ZNG1A: variants seen among roughly 807,000 people sequenced by gnomAD.
ZNG1A encodes Zn regulated GTPase metalloprotein activator 1A.
the ZNG1A span, among the ~76,000 whole-genome samples, chr9:141,225 A>G: frequency 7.6e-6 from 1 of 131,372 alleles, no homozygotes; most frequent in Non-Finnish European, 1.6e-5. Context: ...GAGCAACTCC[A>G]AGACACATAA....
At chr9:156,825 T>C in the ZNG1A span, among the ~76,000 whole-genome samples, 1 of 152,244 alleles carries the variant, frequency 6.6e-6, no homozygotes, top group East Asian at 1.9e-4. Context: ...ATTCACATAA[T>C]GTCATAAAAA....
chr9:174,812 C>A, the ZNG1A span, among the ~76,000 whole-genome samples: 66,641 of 150,098 alleles, frequency 0.44, 16,562 homozygotes, highest in Non-Finnish European at 0.56. Context: ...AGAAAAACTT[C>A]TATAAAGATA....
At chr9:142,691 T>G in the ZNG1A span, among the ~76,000 whole-genome samples, 1 of 131,392 alleles carries the variant, frequency 7.6e-6, no homozygotes, top group Admixed American at 7.9e-5. Context: ...ATAACTAAAA[T>G]CAGAGCAGAA....
the ZNG1A span, chr9:164,024 A>G: frequency 1.9e-6 from 3 of 1,595,574 alleles, no homozygotes; most frequent in Non-Finnish European, 2.6e-6. Context: ...CCCAAAACAT[A>G]GAAGCCACTG....
chr9:142,147 A>G, the ZNG1A span, among the ~76,000 whole-genome samples: 1 of 149,246 alleles, frequency 6.7e-6, no homozygotes, highest in East Asian at 2.0e-4. Context: ...ACAGAAAACC[A>G]ACAAGCATAC....
the ZNG1A span, among the ~76,000 whole-genome samples, chr9:163,531 A>G: frequency 6.6e-6 from 1 of 152,210 alleles, no homozygotes; most frequent in Non-Finnish European, 1.5e-5. Context: ...TTTCATCATT[A>G]AACTAAAGTG....
At chr9:144,612 T>G in the ZNG1A span, among the ~76,000 whole-genome samples, 2 of 151,852 alleles carry the variant, frequency 1.3e-5, no homozygotes, top group African/African-American at 4.8e-5. Flanking sequence ...AACCTAGGCA[T>G]TACCATTCAG....
chr9:144,442 G>T, the ZNG1A span, among the ~76,000 whole-genome samples: 17 of 151,678 alleles, frequency 1.1e-4, no homozygotes, highest in Admixed American at 2.6e-4. Context: ...ACAAGCAGTG[G>T]GGAAAGGATT....
At chr9:169,311 G>C in the ZNG1A span, among the ~76,000 whole-genome samples, 33 of 147,294 alleles carry the variant, frequency 2.2e-4, no homozygotes, top group African/African-American at 8.4e-4. Context: ...AGGGGAGTCT[G>C]AAGATGTGAC....
the ZNG1A span, chr9:160,096 T>A: frequency 4.4e-6 from 2 of 454,726 alleles, no homozygotes; most frequent in Non-Finnish European, 8.8e-6. Flanking sequence ...GGGTGTCAAG[T>A]CCTCAGAATA....
the ZNG1A span, chr9:147,785 G>A: frequency 6.8e-6 from 1 of 147,424 alleles, no homozygotes; most frequent in Non-Finnish European, 1.5e-5. Flanking sequence ...GCTCCACTTT[G>A]GGAGGCCAAG....
the ZNG1A span, among the ~76,000 whole-genome samples, chr9:164,961 T>C: frequency 2.0e-5 from 3 of 152,246 alleles, no homozygotes; most frequent in Middle Eastern, 3.4e-3. Context: ...CAAGATCTAA[T>C]GGTTTCCTGA....
chr9:121,519 T>A, the ZNG1A span: 1 of 1,611,390 alleles, frequency 6.2e-7, no homozygotes, highest in Non-Finnish European at 8.5e-7. Flanking sequence ...CTTTTCTGTT[T>A]CTGTCACAGT....
the ZNG1A span, among the ~76,000 whole-genome samples, chr9:141,308 T>A: frequency 0.074 from 8,307 of 112,062 alleles, 236 homozygotes; most frequent in East Asian, 0.18. Context: ...CGGGTTACCC[T>A]CAAAGGGAAG....
chr9:170,511 T>C, the ZNG1A span, among the ~76,000 whole-genome samples: 2 of 150,826 alleles, frequency 1.3e-5, no homozygotes, highest in South Asian at 2.1e-4. Flanking sequence ...CTTAGCCTCC[T>C]GAGTAGCTGG....
chr9:175,575 T>A, the ZNG1A span: 1 of 914,588 alleles, frequency 1.1e-6, no homozygotes, highest in Non-Finnish European at 1.7e-6. Flanking sequence ...CCAACTTTTC[T>A]AAAGCTATCC....
chr9:162,524 T>C, the ZNG1A span: 2 of 1,568,356 alleles, frequency 1.3e-6, no homozygotes, highest in Non-Finnish European at 1.7e-6. Flanking sequence ...TATTAATATT[T>C]GTACAACCAT....
the ZNG1A span, among the ~76,000 whole-genome samples, chr9:138,553 C>T: frequency 1.4e-5 from 2 of 141,498 alleles, no homozygotes; most frequent in African/African-American, 5.4e-5. Context: ...AAAAAAAAAA[C>T]TAGTTGAAAG....
chr9:156,838 T>A, the ZNG1A span, among the ~76,000 whole-genome samples: 1 of 152,154 alleles, frequency 6.6e-6, no homozygotes, highest in African/African-American at 2.4e-5. Context: ...CATAAAAACA[T>A]AGAAGATTAC....
Sources: allele counts gnomAD v4.1 joint callset (sites outside exome capture counted in the v4.1 genomes callset), GRCh38; gene constraint gnomAD v4.1.1; transcripts MANE v1.5; gene names NCBI Gene and HGNC (gene_info 2026-07-23, HGNC 2026-07-21).